Variants in CPE observed in about 807,000 individuals in gnomAD.
CPE encodes carboxypeptidase E.
A neutral mutation model predicts 53.5 loss-of-function variants in CPE; 17 were observed. That is an observed-to-expected ratio of 0.32 (90% confidence interval 0.22 to 0.48). CPE has a LOEUF of 0.48. Ranked by LOEUF, CPE falls within the 20% of genes least tolerant of loss-of-function variation. The pLI is 0.99. For missense variants in CPE, 524 were observed against 614.7 expected (o/e 0.85, Z 1.56); for synonymous variants, 226 against 228.8 (o/e 0.99, Z 0.11).
Position 165,379,075 on chromosome 4 carries a change from A to T in CPE, c.-147A>T. The T allele has an allele frequency of 1.4e-6, 1 of 703,042 alleles. No individual in the cohort carries two copies. Among genetic ancestry groups the T allele is most frequent in the Non-Finnish European group, 1.9e-6 (1 of 517,754 alleles). The allele number at this position is 703,042 out of a possible 1,614,324, so 43.6% of individuals were successfully genotyped here. ...GGGTGGCCCCAGTGCGCGGGCTGACACTCATTCAGCCGGGGAAGGTGAGGC... is the reference window on the plus strand; with the variant it reads ...GGGTGGCCCCAGTGCGCGGGCTGACTCTCATTCAGCCGGGGAAGGTGAGGC... On this transcript the variant is annotated 5_prime_UTR_variant, in exon 1 of 9. Coordinates refer to ENST00000402744, the MANE Select transcript of CPE (RefSeq NM_001873.4). This position sits in a 1 kb window ranked among gnomAD's most constrained non-coding sequence, Gnocchi z 6.0.
intron 1 of CPE, among the ~76,000 whole-genome samples, chr4:165,380,405 G>A (rs1579235110): frequency 6.6e-6 from 1 of 152,170 alleles, no homozygotes; most frequent in East Asian, 1.9e-4. Context: ...GCACCTTTTG[G>A]TTTATGTTAA....
At chr4:165,484,890 C>T (rs1424153961) in intron 5 of CPE, among the ~76,000 whole-genome samples, 3 of 152,082 alleles carry the variant, frequency 2.0e-5, no homozygotes, top group Non-Finnish European at 4.4e-5. Flanking sequence ...GTTAACTACC[C>T]TACTTTCCAA....
At chr4:165,495,806 C>T (rs1305715657) in intron 8 of CPE, 129 bp downstream of exon 8, 4 of 518,300 alleles carry the variant, frequency 7.7e-6, no homozygotes, top group Non-Finnish European at 1.3e-5. Flanking sequence ...GTTATCTCAA[C>T]TTAACAGATG....
Position 165,476,877 on chromosome 4 carries a change from AGGGGG to A in CPE, c.673-5364_673-5360del, listed in dbSNP as rs1560893634. On this transcript the variant is annotated intron_variant, in intron 3 of 8. Coordinates refer to ENST00000402744, the MANE Select transcript of CPE (RefSeq NM_001873.4). ...GCCTGAAAATTATCTTTCATGGGAG[AGGGGG>A]AGCCAGAAAGGCGGCAGGCTGGGGT... 4.2e-3 allele frequency among the ~76,000 whole-genome samples: 640 copies of A among 152,204 alleles called. 13 individuals are homozygous for A. In the South Asian group the frequency reaches 0.044, roughly 10 times the overall value.
At chr4:165,481,587 T>C (rs1732412683) in intron 3 of CPE, among the ~76,000 whole-genome samples, 1 of 152,242 alleles carries the variant, frequency 6.6e-6, no homozygotes, top group African/African-American at 2.4e-5. Flanking sequence ...TTCCTTTGTT[T>C]TGCTTCCAAG....
intron 1 of CPE, among the ~76,000 whole-genome samples, chr4:165,456,933 G>A (rs898648301): frequency 2.0e-5 from 3 of 151,898 alleles, no homozygotes; most frequent in South Asian, 4.2e-4. Context: ...TAGAGACGGA[G>A]TTTCACCAGC....
At chr4:165,445,908 T>C (rs975993529) in intron 1 of CPE, among the ~76,000 whole-genome samples, 1 of 152,016 alleles carries the variant, frequency 6.6e-6, no homozygotes, top group African/African-American at 2.4e-5. Flanking sequence ...ATATGAAGTC[T>C]GGAAAAAAGC....
chr4:165,406,008 G>T (rs1579246722), intron 1 of CPE: 7 of 752,356 alleles, frequency 9.3e-6, no homozygotes, highest in East Asian at 2.5e-5. Flanking sequence ...ACTTCTTGAG[G>T]GGTCTTGCAA....
Position 165,379,129 on chromosome 4 carries a change from C to T in CPE, c.-93C>T. 1 of 1,117,784 alleles carries T rather than the reference C, an allele frequency of 8.9e-7. No homozygotes were observed. Among genetic ancestry groups the T allele is most frequent in the Non-Finnish European group, 1.1e-6 (1 of 894,290 alleles). The allele number at this position is 1,117,784 out of a possible 1,614,324, so 69.2% of individuals were successfully genotyped here. A position where few individuals can be genotyped will look rare whatever the true frequency, so the allele number is the denominator to read the frequency against. ...TAGAGGCTGGTGCGGAACTTGCCGC[C>T]CCCAGCAGCGCCGGCGGGCTAAGCC... On this transcript the variant is annotated 5_prime_UTR_variant, in exon 1 of 9. Coordinates refer to ENST00000402744, the MANE Select transcript of CPE (RefSeq NM_001873.4). This position sits in a 1 kb window ranked among gnomAD's most constrained non-coding sequence, Gnocchi z 6.0.
chr4:165,386,631 A>G (rs1357423244), intron 1 of CPE, among the ~76,000 whole-genome samples: 1 of 152,202 alleles, frequency 6.6e-6, no homozygotes, highest in East Asian at 1.9e-4. Context: ...TCAGTGCTGA[A>G]CTTGCTGTGT....
intron 1 of CPE, among the ~76,000 whole-genome samples, chr4:165,383,166 T>C (rs6827512): frequency 6.6e-6 from 1 of 151,980 alleles, no homozygotes; most frequent in Admixed American, 6.5e-5. Flanking sequence ...GGAACTGGGA[T>C]GAAGAATGGG....
chr4:165,463,874 G>T (rs1382048283), intron 1 of CPE, among the ~76,000 whole-genome samples: 1 of 152,210 alleles, frequency 6.6e-6, no homozygotes, highest in East Asian at 1.9e-4. Flanking sequence ...CCACAGACTG[G>T]CTGGCTTAAA....
intron 3 of CPE, among the ~76,000 whole-genome samples, chr4:165,481,016 A>ATATATATATATATATATATATTTTT (rs1491161430): frequency 9.0e-6 from 1 of 111,040 alleles, no homozygotes; most frequent in African/African-American, 3.4e-5. Flanking sequence ...ATATATATAT[A>ATATATATATATATATATATATTTTT]TTTTTTTTTT....
intron 1 of CPE, among the ~76,000 whole-genome samples, chr4:165,414,704 CACACACAT>C (rs1180086885): frequency 6.6e-6 from 1 of 151,508 alleles, no homozygotes; most frequent in Non-Finnish European, 1.5e-5. Flanking sequence ...TATACACACA[CACACACAT>C]ACACACACAC....
chr4:165,461,901 A>G (rs1255397812), intron 1 of CPE, among the ~76,000 whole-genome samples: 1 of 152,236 alleles, frequency 6.6e-6, no homozygotes, highest in East Asian at 1.9e-4. Flanking sequence ...CTGAGGACAG[A>G]AGGAGTTAGA....
At chr4:165,405,566 A>G (rs2126664326) in intron 1 of CPE, 1 of 882,284 alleles carries the variant, frequency 1.1e-6, no homozygotes, top group East Asian at 2.4e-5. Flanking sequence ...ATACGCTGTT[A>G]ATTTTTCCAC....
intron 1 of CPE, among the ~76,000 whole-genome samples, chr4:165,417,072 G>C (rs921725754): frequency 2.0e-5 from 3 of 152,068 alleles, no homozygotes; most frequent in African/African-American, 7.2e-5. Context: ...AAACCACTGG[G>C]CTTAGGGGAC....
At chr4:165,450,633 C>T (rs956349177) in intron 1 of CPE, among the ~76,000 whole-genome samples, 1 of 152,168 alleles carries the variant, frequency 6.6e-6, no homozygotes, top group Non-Finnish European at 1.5e-5. Context: ...GAAACTGGGA[C>T]AAGCAATACG....
chr4:165,476,335 G>C (rs1478003816), intron 3 of CPE, among the ~76,000 whole-genome samples: 7 of 152,114 alleles, frequency 4.6e-5, no homozygotes, highest in Non-Finnish European at 7.4e-5. Flanking sequence ...CTTCCCTTGG[G>C]GTGGGCTGTC....
Sources: gnomAD v4.1 joint callset for allele counts (sites outside exome capture counted in the v4.1 genomes callset) on GRCh38, gnomAD v4.1.1 for gene constraint, Gnocchi (gnomAD v3.1) non-coding constraint, MANE v1.5 for transcripts, NCBI Gene and HGNC (gene_info 2026-07-23, HGNC 2026-07-21) for gene names.